TACC2: variants seen among roughly 807,000 people sequenced by gnomAD.
The protein encoded by TACC2 is transforming acidic coiled-coil-containing protein 2.
TACC2 carries 137 observed loss-of-function variants against 227.3 expected under a neutral mutation model. The observed-to-expected ratio is 0.60, with a 90% confidence interval of 0.52 to 0.69. The LOEUF is 0.69. TACC2 is among the 30% of genes least tolerant of loss of function. The probability of loss-of-function intolerance (pLI) is 0.00; values close to 1 mark genes in which losing one functional copy is unlikely to be tolerated. For missense variants in TACC2, 3,470 were observed against 3,694.4 expected, an observed-to-expected ratio of 0.94 and a Z score of 1.57; for synonymous variants, 1,523 against 1,487.5, an observed-to-expected ratio of 1.02 and a Z score of -0.55.
chr10:122,078,283 G>A (rs1408849321), intron 3 of TACC2, among the ~76,000 whole-genome samples: 3 of 150,864 alleles, frequency 2.0e-5, no homozygotes, highest in African/African-American at 4.9e-5. Context: ...CTATCTTTAC[G>A]GCTTTGCTTT....
intron 5 of TACC2, among the ~76,000 whole-genome samples, chr10:122,106,184 T>C (rs1592071868): frequency 6.8e-6 from 1 of 147,502 alleles, no homozygotes; most frequent in Non-Finnish European, 1.5e-5. Flanking sequence ...GACGGGGTTT[T>C]GCCATGTTCG....
Position 122,032,994 on chromosome 10 carries a change from A to AACAACT in TACC2, c.33+10985_33+10986insTACAAC, listed in dbSNP as rs1554970221. On this transcript the variant is annotated intron_variant, in intron 2 of 22. Transcript: ENST00000369005. ...ACAAAACAACAACAACAACAACAACAACAACAAAAACAAAAAAACCCCACA... is the reference window on the plus strand; with the variant it reads ...ACAAAACAACAACAACAACAACAACAACAACTACAACAAAAACAAAAAAACCCCACA... 55 of 672,380 alleles carry AACAACT rather than the reference A, an allele frequency of 8.2e-5. 1 individual carries two copies. Among genetic ancestry groups the AACAACT allele is most frequent in the Admixed American group, 3.8e-4 (14 of 37,180 alleles). The allele number at this position is 672,380 out of a possible 1,614,324, so 41.7% of individuals were successfully genotyped here. A position where few individuals can be genotyped will look rare whatever the true frequency, so the allele number is the denominator to read the frequency against.
At position 122,197,152 on chromosome 10, in the gene TACC2, T is replaced by C. The variant is rs557005409; in HGVS notation, c.5971+1976T>C. On this transcript the variant is annotated intron_variant, in intron 8 of 22. Coordinates refer to ENST00000369005, the MANE Select transcript of TACC2 (RefSeq NM_206862.4). ...GCCGCACGCCTGTAGTCCCAGCTAC[T>C]CAGGAGGCTGAGGCAGGAGAATCGC... Among the ~76,000 whole-genome samples the C allele has an allele frequency of 4.6e-5, 7 of 151,772 alleles. No homozygotes were observed. The South Asian group carries it at 1.0e-3, about 23-fold the overall frequency.
At chr10:122,107,876 A>ATTTTTTTTTTTTTTTTTT (rs1464725854) in intron 5 of TACC2, among the ~76,000 whole-genome samples, 2 of 85,578 alleles carry the variant, frequency 2.3e-5, no homozygotes, top group Admixed American at 1.3e-4. Context: ...ATATATATAT[A>ATTTTTTTTTTTTTTTTTT]TATATTTTTT....
chr10:122,090,071 T>C (rs1195157757), intron 5 of TACC2, among the ~76,000 whole-genome samples: 1 of 151,822 alleles, frequency 6.6e-6, no homozygotes, highest in South Asian at 2.1e-4. Context: ...TATCAGTGCC[T>C]TCTTTTTCAG....
At chr10:122,128,359 C>T (rs529256116) in intron 5 of TACC2, among the ~76,000 whole-genome samples, 15 of 152,120 alleles carry the variant, frequency 9.9e-5, no homozygotes, top group Non-Finnish European at 1.9e-4. Flanking sequence ...TGTTCAAGAT[C>T]CTCTGTCTCA....
At chr10:122,174,100 T>C (rs528480174) in intron 7 of TACC2, among the ~76,000 whole-genome samples, 12 of 152,228 alleles carry the variant, frequency 7.9e-5, no homozygotes, top group Non-Finnish European at 1.8e-4. Flanking sequence ...AAGGGTTCTT[T>C]GTCCTGATTG....
At position 122,229,444 on chromosome 10, in the gene TACC2, C is replaced by T. The variant is rs751302440; in HGVS notation, c.7995C>T (p.Asp2665=). The T allele has an allele frequency of 6.2e-7, 1 of 1,614,078 alleles. No individual in the cohort carries two copies. The highest frequency in any genetic ancestry group is 1.1e-5 in the South Asian group (1 of 91,056). ...LCGALDYLEP[D]LAEKNPPLFA... ...GTGCACTTGACTATCTGGAGCCCGACTTAGCAGAAAAGAACCCCCCACTAT... is the reference window on the plus strand; with the variant it reads ...GTGCACTTGACTATCTGGAGCCCGATTTAGCAGAAAAGAACCCCCCACTAT... Residue 2665 remains aspartate (D), a synonymous_variant, in exon 15 of 23, where the codon GAC becomes GAT. Transcript: ENST00000369005.
chr10:122,087,701 C>G lies in TACC2; in HGVS notation c.5201C>G (p.Ser1734Cys). Residue 1734 changes from serine to cysteine, a missense_variant, in exon 4 of 23, where the codon TCC (serine) becomes TGC (cysteine). Ser to Cys is a moderately radical substitution (Grantham distance 112, BLOSUM62 -1). Around this residue, in one of 10 missense-constraint regions of TACC2, gnomAD observed 1,924 missense variants for 1,978.3 expected, o/e 0.97. Coordinates refer to ENST00000369005, the MANE Select transcript of TACC2 (RefSeq NM_206862.4). ...LPEAGTTRTF[S>C]VVAGDLVLPG... ...GAAGCAGGTACTACGAGGACATTCT[C>G]CGTTGTGGCAGGTGACTTGGTGCTG... 1 of 1,613,256 alleles carries G rather than the reference C, an allele frequency of 6.2e-7. No homozygotes were observed. Among genetic ancestry groups the G allele is most frequent in the Non-Finnish European group, 8.5e-7 (1 of 1,179,934 alleles).
chr10:122,122,336 C>T (rs1204920941), intron 5 of TACC2, among the ~76,000 whole-genome samples: 3 of 152,044 alleles, frequency 2.0e-5, no homozygotes, highest in Admixed American at 1.3e-4. Flanking sequence ...GCCGGGGCGA[C>T]AAGAATGAAA....
At chr10:122,225,335 T>C (rs1364926335) in intron 12 of TACC2, among the ~76,000 whole-genome samples, 1 of 152,242 alleles carries the variant, frequency 6.6e-6, no homozygotes, top group Admixed American at 6.5e-5. Flanking sequence ...CAGCACTACG[T>C]GGCCCTGGAT....
rs76571031 is a variant in TACC2, at chr10:122,246,263, G to T, written c.8393-2380G>T. On this transcript the variant is annotated intron_variant, in intron 19 of 22. Transcript: ENST00000369005. ...TGAATAAATCCACACTCACGTGGGA[G>T]AGTTTTTGGAAATGAGGTGCTGGGA... 5.8e-3 allele frequency among the ~76,000 whole-genome samples: 889 copies of T among 152,286 alleles called. 12 individuals carry two copies. Among genetic ancestry groups the T allele is most frequent in the African/African-American group, 0.02 (843 of 41,550 alleles).
chr10:122,121,269 G>T (rs776264612), intron 5 of TACC2, among the ~76,000 whole-genome samples: 1 of 152,196 alleles, frequency 6.6e-6, no homozygotes, highest in African/African-American at 2.4e-5. Flanking sequence ...CAGCATTTGT[G>T]GAGCACTTTG....
chr10:122,084,846 C>G lies in TACC2; in HGVS notation c.2346C>G (p.Pro782=), dbSNP rs370393890. 1.0e-4 allele frequency: 165 copies of G among 1,613,792 alleles called. No homozygotes were observed. The highest frequency in any genetic ancestry group is 9.2e-5 in the Non-Finnish European group (109 of 1,180,042). The change falls in exon 4 of 23, where the codon CCC becomes CCG. Residue 782 remains proline, a synonymous_variant. Transcript: ENST00000369005. The part of the protein sequence containing the change: ...QEFHAGVPHP[P]QGENLAADLG... ...TTCATGCTGGGGTGCCACATCCCCC[C>G]CAGGGGGAGAACTTGGCAGCAGACC... is the stretch of plus-strand genomic sequence containing the variant.
At position 122,130,547 on chromosome 10, in the gene TACC2, T is replaced by C. The variant is rs547051275; in HGVS notation, c.5574-2062T>C. ...TCCTCCAGCCTCAGCCTCCCCAAAG[T>C]GTTGGGATTACAGGCATAAGCCACC... On this transcript the variant is annotated intron_variant, in intron 5 of 22. Transcript: ENST00000369005. Among the ~76,000 whole-genome samples the C allele has an allele frequency of 1.2e-4, 18 of 152,128 alleles. 1 individual carries two copies. Among genetic ancestry groups the C allele is most frequent in the African/African-American group, 4.3e-4 (18 of 41,502 alleles).
At chr10:122,186,104 T>G (rs2094180456) in intron 7 of TACC2, among the ~76,000 whole-genome samples, 1 of 152,012 alleles carries the variant, frequency 6.6e-6, no homozygotes, top group Non-Finnish European at 1.5e-5. Flanking sequence ...AATTTTTGTA[T>G]TTTTAGTAGA....
rs143343170 is a variant in TACC2, at chr10:122,117,782, T to TG, written c.5574-14821dup. On this transcript the variant is annotated intron_variant, in intron 5 of 22. Coordinates refer to ENST00000369005, the MANE Select transcript of TACC2 (RefSeq NM_206862.4). ...CTTGCACTGAAGCTCCTTGAGGGCA[T>TG]GGGGGGTTGGTTTCATATCATGACT... Among the ~76,000 whole-genome samples, 1,365 of 152,246 alleles carry TG rather than the reference T, an allele frequency of 9.0e-3. 22 individuals carry two copies. The highest frequency in any genetic ancestry group is 0.031 in the African/African-American group (1,300 of 41,538).
At chr10:122,022,037 CT>C in intron 2 of TACC2, 23 bp downstream of exon 2, 1 of 1,613,898 alleles carries the variant, frequency 6.2e-7, no homozygotes, top group East Asian at 2.2e-5. Context: ...AAGCTTCTCT[CT>C]CGAGCTACGT....
intron 3 of TACC2, chr10:122,051,409 C>G (rs1175284994): frequency 1.3e-5 from 2 of 152,256 alleles, no homozygotes; most frequent in African/African-American, 4.8e-5. Context: ...CCGGGGCTCT[C>G]TCCTGGGCCT....
Sources: gnomAD v4.1 joint callset for allele counts (sites outside exome capture counted in the v4.1 genomes callset) on GRCh38, gnomAD v4.1.1 for gene constraint, gnomAD v4.1.1 regional missense constraint, MANE v1.5 for transcripts, NCBI Gene and HGNC (gene_info 2026-07-23, HGNC 2026-07-21) for gene names.